PTPRD: variants seen among roughly 807,000 people sequenced by gnomAD.
PTPRD encodes receptor-type tyrosine-protein phosphatase delta.
Under a neutral mutation model 214.5 loss-of-function variants are expected in PTPRD, and 34 were observed. The observed-to-expected ratio is 0.16, with a 90% confidence interval of 0.12 to 0.21. PTPRD has a LOEUF of 0.21. Ranked by LOEUF, PTPRD falls within the 10% of genes least tolerant of loss-of-function variation. PTPRD has a pLI of 1.00. For missense variants in PTPRD, 2,545 were observed against 2,398.7 expected (o/e 1.06, Z -1.27); for synonymous variants, 1,128 against 845.7 (o/e 1.33, Z -5.79).
chr9:8,576,922 A>C (rs998220035), intron 14 of PTPRD, among the ~76,000 whole-genome samples: 3 of 152,122 alleles, frequency 2.0e-5, no homozygotes, highest in African/African-American at 4.8e-5. Context: ...TGCCAATCCC[A>C]CTGTCAGCAG....
chr9:8,946,556 C>G (rs1196916491), intron 11 of PTPRD, among the ~76,000 whole-genome samples: 1 of 152,144 alleles, frequency 6.6e-6, no homozygotes, highest in South Asian at 2.1e-4. Flanking sequence ...TTAGCAGAAG[C>G]GCACAGGTCT....
chr9:9,590,688 G>T (rs895171816), intron 7 of PTPRD, among the ~76,000 whole-genome samples: 1 of 151,726 alleles, frequency 6.6e-6, no homozygotes, highest in East Asian at 1.9e-4. Context: ...CATAAAAAGA[G>T]CATGAGCTTG....
chr9:9,461,301 G>C (rs1569568531), intron 8 of PTPRD, among the ~76,000 whole-genome samples: 1 of 151,960 alleles, frequency 6.6e-6, no homozygotes, highest in Non-Finnish European at 1.5e-5. Flanking sequence ...TAACATACCT[G>C]CACAGGTACT....
intron 11 of PTPRD, among the ~76,000 whole-genome samples, chr9:8,946,850 T>A (rs537644488): frequency 2.0e-5 from 3 of 152,104 alleles, no homozygotes; most frequent in Non-Finnish European, 4.4e-5. Flanking sequence ...CATAATTTTC[T>A]CTTTGTCTCT....
At chr9:9,542,325 G>T (rs1298115892) in intron 8 of PTPRD, among the ~76,000 whole-genome samples, 1 of 151,644 alleles carries the variant, frequency 6.6e-6, no homozygotes, top group Non-Finnish European at 1.5e-5. Context: ...TGCCAAAAAA[G>T]ATCATGGACC....
intron 10 of PTPRD, among the ~76,000 whole-genome samples, chr9:9,050,269 T>C (rs143898037): frequency 1.3e-5 from 2 of 152,298 alleles, no homozygotes; most frequent in East Asian, 1.9e-4. Flanking sequence ...TCGATAAAAC[T>C]AGTCATGACA....
intron 5 of PTPRD, among the ~76,000 whole-genome samples, chr9:9,925,798 A>G (rs1431413379): frequency 6.6e-6 from 1 of 152,066 alleles, no homozygotes; most frequent in African/African-American, 2.4e-5. Flanking sequence ...CTTGTGAGAA[A>G]GAATCTCAAA....
intron 8 of PTPRD, among the ~76,000 whole-genome samples, chr9:9,461,588 T>A (rs2093659292): frequency 6.6e-6 from 1 of 152,000 alleles, no homozygotes; most frequent in Non-Finnish European, 1.5e-5. Flanking sequence ...CATCTGAAAA[T>A]GTGGCAAGAG....
chr9:9,376,606 T>C (rs1365644691), intron 9 of PTPRD, among the ~76,000 whole-genome samples: 1 of 152,116 alleles, frequency 6.6e-6, no homozygotes, highest in African/African-American at 2.4e-5. Context: ...TCCTAAACAC[T>C]GAAGAGCTTT....
chr9:9,550,992 G>T (rs935506624), intron 8 of PTPRD, among the ~76,000 whole-genome samples: 2 of 151,806 alleles, frequency 1.3e-5, no homozygotes, highest in Non-Finnish European at 2.9e-5. Flanking sequence ...TTGCTAGTAG[G>T]AATATAAGTT....
chr9:9,527,239 A>G (rs2074337510), intron 8 of PTPRD, among the ~76,000 whole-genome samples: 1 of 152,204 alleles, frequency 6.6e-6, no homozygotes, highest in South Asian at 2.1e-4. Flanking sequence ...ACACTACACT[A>G]TGGTAGTATC....
chr9:8,429,096 T>C (rs2094881148), intron 35 of PTPRD, among the ~76,000 whole-genome samples: 1 of 152,204 alleles, frequency 6.6e-6, no homozygotes, highest in Non-Finnish European at 1.5e-5. Context: ...GGAATAGTCA[T>C]GCAATGGAAA....
At chr9:10,593,276 G>A (rs985535724) in intron 2 of PTPRD, among the ~76,000 whole-genome samples, 5 of 151,870 alleles carry the variant, frequency 3.3e-5, no homozygotes, top group East Asian at 1.9e-4. Flanking sequence ...TTTGCATTTC[G>A]AACAAGCTCC....
At chr9:9,369,329 C>T (rs1015654621) in intron 9 of PTPRD, among the ~76,000 whole-genome samples, 83 of 152,046 alleles carry the variant, frequency 5.5e-4, no homozygotes, top group Middle Eastern at 3.4e-3. Context: ...TATCTCATTG[C>T]GGTTTTGATT....
chr9:10,090,566 A>G (rs1469852833), intron 3 of PTPRD, among the ~76,000 whole-genome samples: 1 of 150,822 alleles, frequency 6.6e-6, no homozygotes, highest in Admixed American at 6.7e-5. Flanking sequence ...AATGTATTTT[A>G]ATGTATTTTA....
intron 2 of PTPRD, among the ~76,000 whole-genome samples, chr9:10,594,313 C>A (rs1038612630): frequency 6.6e-6 from 1 of 151,894 alleles, no homozygotes; most frequent in Admixed American, 6.6e-5. Flanking sequence ...AATGTTTTTG[C>A]AGTCCTTATT....
intron 9 of PTPRD, among the ~76,000 whole-genome samples, chr9:9,303,040 G>T (rs1955998918): frequency 1.3e-5 from 2 of 151,890 alleles, no homozygotes; most frequent in Non-Finnish European, 2.9e-5. Flanking sequence ...GGCTTCATAA[G>T]AGAAGACCTT....
At chr9:8,327,779 A>C (rs1431070791) in intron 44 of PTPRD, among the ~76,000 whole-genome samples, 2 of 149,750 alleles carry the variant, frequency 1.3e-5, no homozygotes, top group African/African-American at 4.9e-5. Flanking sequence ...TGACCTCTGT[A>C]CGTAATGCCC....
At chr9:10,041,443 C>G (rs2154142610) in intron 3 of PTPRD, among the ~76,000 whole-genome samples, 1 of 151,960 alleles carries the variant, frequency 6.6e-6, no homozygotes, top group East Asian at 1.9e-4. Context: ...CAATAACCCA[C>G]TTTTTAAGGA....
Sources: allele counts gnomAD v4.1 joint callset (sites outside exome capture counted in the v4.1 genomes callset), GRCh38; gene constraint gnomAD v4.1.1; transcripts MANE v1.5; gene names NCBI Gene and HGNC (gene_info 2026-07-23, HGNC 2026-07-21).